Variants in ADAM18 observed in about 807,000 individuals in gnomAD.
ADAM18 encodes ADAM metallopeptidase domain 18.
In ADAM18, 117 loss-of-function variants were observed where a neutral mutation model predicts 94.4. That is an observed-to-expected ratio of 1.24 (90% confidence interval 1.07 to 1.45). ADAM18 has a LOEUF of 1.45. ADAM18 is among the 40% of genes most tolerant of loss of function. The pLI is 0.00. For synonymous variants in ADAM18, 327 were observed against 291.6 expected, an observed-to-expected ratio of 1.12 and a Z score of -1.24; for missense variants, 936 against 880.0, an observed-to-expected ratio of 1.06 and a Z score of -0.81.
chr8:39,616,996 CA>C (rs1168558238), intron 6 of ADAM18, among the ~76,000 whole-genome samples: 1 of 152,068 alleles, frequency 6.6e-6, no homozygotes, highest in East Asian at 1.9e-4. Flanking sequence ...GCAATTGTAA[CA>C]AAACCAAAAA....
chr8:39,676,225 C>G (rs1404235571), intron 14 of ADAM18, among the ~76,000 whole-genome samples: 1 of 152,202 alleles, frequency 6.6e-6, no homozygotes, highest in East Asian at 1.9e-4. Flanking sequence ...TGTCTGCTGT[C>G]TTTTGTTCAG....
chr8:39,642,242 G>A (rs1265271567), intron 10 of ADAM18, among the ~76,000 whole-genome samples: 1 of 152,062 alleles, frequency 6.6e-6, no homozygotes, highest in Non-Finnish European at 1.5e-5. Context: ...TTCCTATGCT[G>A]TGCAGAAGCT....
chr8:39,600,854 T>C (rs1181412956), intron 2 of ADAM18, among the ~76,000 whole-genome samples: 1 of 152,220 alleles, frequency 6.6e-6, no homozygotes, highest in East Asian at 1.9e-4. Flanking sequence ...CATGATGAAG[T>C]GGCCCAAATG....
chr8:39,622,534 AT>A (rs776750535), intron 6 of ADAM18, among the ~76,000 whole-genome samples: 4 of 151,950 alleles, frequency 2.6e-5, no homozygotes, highest in Admixed American at 1.3e-4. Context: ...ATCAAGAGCA[AT>A]TATTTTACTT....
chr8:39,646,501 G>A (rs1425485916), intron 11 of ADAM18, among the ~76,000 whole-genome samples: 1 of 152,086 alleles, frequency 6.6e-6, no homozygotes, highest in Non-Finnish European at 1.5e-5. Context: ...AATAAAAATT[G>A]TTAATTGGTT....
At chr8:39,672,503 G>T (rs922409201) in intron 14 of ADAM18, among the ~76,000 whole-genome samples, 1 of 152,178 alleles carries the variant, frequency 6.6e-6, no homozygotes, top group African/African-American at 2.4e-5. Flanking sequence ...TGTGTTCTGT[G>T]AGCAGCCAAT....
intron 6 of ADAM18, among the ~76,000 whole-genome samples, chr8:39,619,665 A>G (rs193098590): frequency 6.6e-6 from 1 of 152,260 alleles, no homozygotes; most frequent in Admixed American, 6.5e-5. Context: ...TGAAATAACT[A>G]TTAGTAAGTT....
At chr8:39,606,413 G>A in intron 3 of ADAM18, 51 bp downstream of exon 3, 1 of 1,227,130 alleles carries the variant, frequency 8.1e-7, no homozygotes, top group South Asian at 1.4e-5. Context: ...TTTAAGTTTA[G>A]ATTTTACAGC....
At chr8:39,591,073 A>G (rs934947966) in intron 2 of ADAM18, among the ~76,000 whole-genome samples, 3 of 152,222 alleles carry the variant, frequency 2.0e-5, no homozygotes, top group African/African-American at 4.8e-5. Flanking sequence ...ATAACATTGT[A>G]TAAACCTTAA....
intron 1 of ADAM18, 152 bp downstream of exon 1, chr8:39,584,829 G>C: frequency 1.1e-6 from 1 of 909,780 alleles, no homozygotes; most frequent in Non-Finnish European, 1.7e-6. Context: ...ACCTTTCCAC[G>C]CCAGGCCAGG....
At chr8:39,650,436 C>G (rs1820500208) in intron 12 of ADAM18, among the ~76,000 whole-genome samples, 1 of 152,092 alleles carries the variant, frequency 6.6e-6, no homozygotes. Context: ...TAAATAAATT[C>G]AGTAAAGTTG....
At chr8:39,707,486 T>C (rs1822271766) in intron 18 of ADAM18, among the ~76,000 whole-genome samples, 1 of 152,220 alleles carries the variant, frequency 6.6e-6, no homozygotes, top group Non-Finnish European at 1.5e-5. Flanking sequence ...CTTTTCTGTC[T>C]TAACTAAGCA....
intron 12 of ADAM18, among the ~76,000 whole-genome samples, chr8:39,657,141 G>A (rs867459314): frequency 6.6e-6 from 1 of 152,100 alleles, no homozygotes; most frequent in Non-Finnish European, 1.5e-5. Context: ...ATAAAATAAA[G>A]TATGCTGCAC....
chr8:39,611,722 A>G (rs909813411), intron 6 of ADAM18: 2 of 545,456 alleles, frequency 3.7e-6, no homozygotes, highest in African/African-American at 2.1e-5. Flanking sequence ...TCATTATCCA[A>G]CATGTGGAGA....
At chr8:39,685,163 C>T (rs1821576401) in intron 16 of ADAM18, 1 of 152,306 alleles carries the variant, frequency 6.6e-6, no homozygotes. Context: ...AGTTCTCTGC[C>T]TGTGCTGTGA....
At chr8:39,621,341 A>ACACT (rs1322203337) in intron 6 of ADAM18, among the ~76,000 whole-genome samples, 1 of 150,828 alleles carries the variant, frequency 6.6e-6, no homozygotes, top group Non-Finnish European at 1.5e-5. Flanking sequence ...ACACACACAC[A>ACACT]CACACACACA....
chr8:39,677,564 T>G (rs769577539), intron 15 of ADAM18, 28 bp downstream of exon 15: 4 of 1,503,440 alleles, frequency 2.7e-6, no homozygotes, highest in Non-Finnish European at 3.6e-6. Flanking sequence ...GATTGCTTCT[T>G]TGAATCATAA....
chr8:39,688,791 T>C (rs568464049), intron 16 of ADAM18, among the ~76,000 whole-genome samples: 3 of 152,304 alleles, frequency 2.0e-5, no homozygotes, highest in Admixed American at 6.5e-5. Flanking sequence ...CACCACGTTG[T>C]CTTCCACAAT....
rs529789132 is a variant in ADAM18, at chr8:39,595,878, C to T, written c.133-10429C>T. On this transcript the variant is annotated intron_variant, in intron 2 of 19. Transcript: ENST00000265707. ...CACTGGTTAGTCTGCCTTCTTGTTT[C>T]CATTTCTCCAAAATTTTTTATTTTT... Among the ~76,000 whole-genome samples the T allele has an allele frequency of 5.3e-5, 8 of 152,242 alleles. No individual in the cohort carries two copies. In the South Asian group the frequency reaches 1.7e-3, roughly 32 times the overall value.
Sources: gnomAD v4.1 joint callset for allele counts (sites outside exome capture counted in the v4.1 genomes callset) on GRCh38, gnomAD v4.1.1 for gene constraint, MANE v1.5 for transcripts, NCBI Gene and HGNC (gene_info 2026-07-23, HGNC 2026-07-21) for gene names.